The following SERGEF variants were observed in gnomAD, a reference collection of about 807,000 sequenced individuals.
SERGEF encodes the protein secretion-regulating guanine nucleotide exchange factor.
SERGEF carries 51 observed loss-of-function variants against 50.0 expected under a neutral mutation model. The observed-to-expected ratio is 1.02, with a 90% CI of 0.81 to 1.29. The LOEUF is 1.29. SERGEF is among the 50% of genes most tolerant of loss of function. The probability of loss-of-function intolerance (pLI) is 0.00; values close to 1 mark genes in which losing one functional copy is unlikely to be tolerated. For missense variants in SERGEF, 521 were observed against 557.0 expected, an observed-to-expected ratio of 0.94 and a Z score of 0.65; for synonymous variants, 205 against 212.4, an observed-to-expected ratio of 0.97 and a Z score of 0.30.
intron 10 of SERGEF, among the ~76,000 whole-genome samples, chr11:17,816,213 G>C (rs150645222): frequency 6.6e-6 from 1 of 152,166 alleles, no homozygotes; most frequent in Non-Finnish European, 1.5e-5. Context: ...CTGAGAAAGG[G>C]GGAGTATTGT....
At chr11:17,996,489 T>C (rs1853840137) in intron 5 of SERGEF, among the ~76,000 whole-genome samples, 1 of 152,250 alleles carries the variant, frequency 6.6e-6, no homozygotes, top group Non-Finnish European at 1.5e-5. Context: ...AGCTTCTTAA[T>C]AGCCATGATT....
chr11:17,934,557 C>T (rs1227570979), intron 9 of SERGEF, among the ~76,000 whole-genome samples: 1 of 152,172 alleles, frequency 6.6e-6, no homozygotes, highest in African/African-American at 2.4e-5. Flanking sequence ...CAACAATAGT[C>T]CACTTAAATA....
intron 10 of SERGEF, among the ~76,000 whole-genome samples, chr11:17,810,665 G>A (rs1359329351): frequency 4.6e-5 from 7 of 152,184 alleles, no homozygotes; most frequent in African/African-American, 7.2e-5. Flanking sequence ...TGTCTGTGAG[G>A]ACGATGACTT....
At chr11:17,973,310 G>A (rs1235326806) in intron 8 of SERGEF, among the ~76,000 whole-genome samples, 1 of 152,176 alleles carries the variant, frequency 6.6e-6, no homozygotes, top group Non-Finnish European at 1.5e-5. Context: ...TGGAGCCAGT[G>A]AATTCTGCAA....
intron 10 of SERGEF, among the ~76,000 whole-genome samples, chr11:17,822,753 C>T (rs148628093): frequency 3.2e-3 from 484 of 152,280 alleles, no homozygotes; most frequent in African/African-American, 0.01. Context: ...CATTTTACAT[C>T]GAAGAACCGA....
chr11:17,876,485 T>C (rs1851237377), intron 10 of SERGEF, among the ~76,000 whole-genome samples: 1 of 152,256 alleles, frequency 6.6e-6, no homozygotes, highest in Non-Finnish European at 1.5e-5. Context: ...AATTTATATC[T>C]GCCAGCCATT....
chr11:17,899,002 C>A (rs1210315500), intron 9 of SERGEF, among the ~76,000 whole-genome samples: 1 of 152,102 alleles, frequency 6.6e-6, no homozygotes, highest in African/African-American at 2.4e-5. Context: ...TATGTAGCAC[C>A]TCCTCCTTCT....
intron 9 of SERGEF, among the ~76,000 whole-genome samples, chr11:17,887,872 T>C (rs1166723768): frequency 6.6e-6 from 1 of 152,208 alleles, no homozygotes; most frequent in Non-Finnish European, 1.5e-5. Context: ...GGCTGCAGAC[T>C]GGTAAAATTC....
At chr11:17,799,134 G>C (rs193118947) in intron 10 of SERGEF, among the ~76,000 whole-genome samples, 88 of 152,032 alleles carry the variant, frequency 5.8e-4, no homozygotes, top group African/African-American at 2.0e-3. Context: ...GCCTACCAGG[G>C]CCCCCTCAGC....
intron 10 of SERGEF, among the ~76,000 whole-genome samples, chr11:17,793,975 C>G (rs1849530981): frequency 6.6e-6 from 1 of 152,228 alleles, no homozygotes; most frequent in Non-Finnish European, 1.5e-5. Flanking sequence ...GTCTGTGGCA[C>G]CTGCCCGAGC....
Position 18,006,850 on chromosome 11 carries a change from T to A in SERGEF, c.197-104A>T, listed in dbSNP as rs1228242747. 4 of 1,332,638 alleles carry A rather than the reference T, an allele frequency of 3.0e-6. No individual in the cohort carries two copies. In the African/African-American group the frequency reaches 5.9e-5, roughly 20 times the overall value. The allele number at this position is 1,332,638 out of a possible 1,614,324, so 82.6% of individuals were successfully genotyped here. A position where few individuals can be genotyped will look rare whatever the true frequency, so the allele number is the denominator to read the frequency against. The stretch of plus-strand genomic sequence containing the variant: ...TTATTTGGACTCTCAGACCAATAAC[T>A]TTTTTTGCCATCCAAGTTAATAAGC... On this transcript the variant is annotated intron_variant, in intron 2 of 10. Transcript: ENST00000265965.
chr11:17,794,411 G>A (rs747048179), intron 10 of SERGEF, among the ~76,000 whole-genome samples: 9 of 152,086 alleles, frequency 5.9e-5, no homozygotes, highest in Non-Finnish European at 1.2e-4. Context: ...TAATTTCCAC[G>A]GCAACCCTCG....
At chr11:17,882,240 A>G (rs1851346719) in intron 9 of SERGEF, among the ~76,000 whole-genome samples, 1 of 151,974 alleles carries the variant, frequency 6.6e-6, no homozygotes, top group Non-Finnish European at 1.5e-5. Context: ...ACATGGTGAA[A>G]CCCCGTCTCT....
intron 9 of SERGEF, among the ~76,000 whole-genome samples, chr11:17,892,198 T>C (rs1452188751): frequency 6.6e-6 from 1 of 152,220 alleles, no homozygotes; most frequent in Non-Finnish European, 1.5e-5. Context: ...CCTCCTCATA[T>C]CCACATCCTT....
chr11:17,985,338 C>T (rs1397517119), intron 8 of SERGEF, among the ~76,000 whole-genome samples: 1 of 152,134 alleles, frequency 6.6e-6, no homozygotes, highest in East Asian at 1.9e-4. Flanking sequence ...GGTTTTAATA[C>T]CAGACTTCAG....
chr11:17,978,754 C>T (rs1853432160), intron 8 of SERGEF, among the ~76,000 whole-genome samples: 1 of 152,152 alleles, frequency 6.6e-6, no homozygotes, highest in South Asian at 2.1e-4. Flanking sequence ...GTTCTCCCAT[C>T]CATACAAAAA....
chr11:17,984,318 C>A (rs1399521427), intron 8 of SERGEF, among the ~76,000 whole-genome samples: 1 of 152,104 alleles, frequency 6.6e-6, no homozygotes. Flanking sequence ...TGGAAGCGTA[C>A]AATCATGGTG....
chr11:17,930,561 C>T (rs1003357613), intron 9 of SERGEF, among the ~76,000 whole-genome samples: 1 of 152,136 alleles, frequency 6.6e-6, no homozygotes, highest in African/African-American at 2.4e-5. Flanking sequence ...GCTTTTGAAG[C>T]ATTTAGACAA....
At chr11:17,832,086 G>GTTAGCAACT (rs1850318508) in intron 10 of SERGEF, among the ~76,000 whole-genome samples, 1 of 152,180 alleles carries the variant, frequency 6.6e-6, no homozygotes. Flanking sequence ...CTGACCTTGG[G>GTTAGCAACT]TTAGCAACTT....
Sources: allele counts gnomAD v4.1 joint callset (sites outside exome capture counted in the v4.1 genomes callset), GRCh38; gene constraint gnomAD v4.1.1; transcripts MANE v1.5; gene names NCBI Gene and HGNC (gene_info 2026-07-23, HGNC 2026-07-21).